The following MSRB3 variants were observed in gnomAD, a reference collection of about 807,000 sequenced individuals.
The protein encoded by MSRB3 is methionine-R-sulfoxide reductase B3.
In MSRB3, 13 loss-of-function variants were observed where a neutral mutation model predicts 21.0. The ratio of observed to expected loss-of-function variants is 0.62; its 90% CI spans 0.40 to 0.98. The LOEUF (loss-of-function observed/expected upper bound fraction) is 0.98, where lower values mean the gene tolerates loss of function less well. Among genes scored for constraint, MSRB3 ranks in the 50% least tolerant of loss-of-function variants. MSRB3 has a pLI of 0.00. For synonymous variants in MSRB3, 87 were observed against 88.6 expected, an observed-to-expected ratio of 0.98 and a Z score of 0.10; for missense variants, 199 against 230.3, an observed-to-expected ratio of 0.86 and a Z score of 0.88.
At chr12:65,393,264 T>C (rs765965431) in intron 5 of MSRB3, among the ~76,000 whole-genome samples, 2 of 152,204 alleles carry the variant, frequency 1.3e-5, no homozygotes, top group Non-Finnish European at 2.9e-5. Flanking sequence ...TTGATTTTTA[T>C]TTTTTATCCA....
chr12:65,289,880 A>G (rs1219891632), intron 1 of MSRB3, among the ~76,000 whole-genome samples: 2 of 152,160 alleles, frequency 1.3e-5, no homozygotes, highest in South Asian at 2.1e-4. Context: ...CACATTTTTT[A>G]TAGCTATGTA....
At position 65,463,450 on chromosome 12, in the gene MSRB3, C is replaced by T; in HGVS notation, c.*128C>T. 8.5e-7 allele frequency: 1 copy of T among 1,180,942 alleles called. No individual in the cohort carries two copies. Among genetic ancestry groups the T allele is most frequent in the Non-Finnish European group, 1.2e-6 (1 of 847,176 alleles). The allele number at this position is 1,180,942 out of a possible 1,614,324, so 73.2% of individuals were successfully genotyped here. Reference sequence around the variant, plus strand: ...CAGTTTTGTGCTATTGATATTTTTTCTTCTTTTGCTTAAACAGAAGCCCTG... The same window carrying T: ...CAGTTTTGTGCTATTGATATTTTTTTTTCTTTTGCTTAAACAGAAGCCCTG... On this transcript the variant is annotated 3_prime_UTR_variant, in exon 7 of 7. Coordinates refer to ENST00000308259, the MANE Select transcript of MSRB3 (RefSeq NM_001031679.3).
At chr12:65,398,821 A>T (rs906816836) in intron 5 of MSRB3, among the ~76,000 whole-genome samples, 1 of 152,196 alleles carries the variant, frequency 6.6e-6, no homozygotes, top group East Asian at 1.9e-4. Context: ...AGTTTTCTCC[A>T]TATGGCTACC....
At chr12:65,359,466 A>G (rs1464379836) in intron 4 of MSRB3, among the ~76,000 whole-genome samples, 2 of 152,156 alleles carry the variant, frequency 1.3e-5, no homozygotes, top group Admixed American at 1.3e-4. Flanking sequence ...AAACTGGTAG[A>G]GTAAATTTTA....
In MSRB3 at chr12:65,443,630, G is replaced by A. The variant is rs144139543; in HGVS notation, c.293-10098G>A. Among the ~76,000 whole-genome samples the A allele has an allele frequency of 4.4e-4, 67 of 152,196 alleles. No homozygotes were observed. The East Asian group carries it at 0.011, about 24-fold the overall frequency. ...CAAGGAGCTCACTGATTCAGTTCCC[G>A]GGGAGGGTTCTCTATCCTGGCTTAT... is the stretch of plus-strand genomic sequence containing the variant. On this transcript the variant is annotated intron_variant, in intron 5 of 6. Coordinates refer to ENST00000308259, the MANE Select transcript of MSRB3 (RefSeq NM_001031679.3).
At chr12:65,433,331 G>T (rs1389680505) in intron 5 of MSRB3, among the ~76,000 whole-genome samples, 1 of 151,660 alleles carries the variant, frequency 6.6e-6, no homozygotes, top group Non-Finnish European at 1.5e-5. Context: ...TTTGTGGTTT[G>T]ATTTCTTTTC....
At chr12:65,347,154 G>C (rs1422989566) in intron 4 of MSRB3, among the ~76,000 whole-genome samples, 1 of 152,134 alleles carries the variant, frequency 6.6e-6, no homozygotes. Context: ...GGCTGGCATT[G>C]AATCTATAAA....
chr12:65,329,647 CAA>C (rs11443001), intron 4 of MSRB3, among the ~76,000 whole-genome samples: 28 of 84,764 alleles, frequency 3.3e-4, no homozygotes, highest in African/African-American at 3.3e-4. Flanking sequence ...GATTCCGTCT[CAA>C]AAAAAAAAAA....
chr12:65,439,919 G>C (rs1304492018), intron 5 of MSRB3, among the ~76,000 whole-genome samples: 1 of 151,614 alleles, frequency 6.6e-6, no homozygotes, highest in Non-Finnish European at 1.5e-5. Flanking sequence ...TTACAAAAAA[G>C]AAATACAGTG....
chr12:65,414,804 A>G (rs11175755), intron 5 of MSRB3, among the ~76,000 whole-genome samples: 78,289 of 152,010 alleles, frequency 0.52, 21,064 homozygotes, highest in Non-Finnish European at 0.62. Context: ...GAAATATGAA[A>G]TTGCAGCAAT....
At chr12:65,330,802 G>A (rs1875364148) in intron 4 of MSRB3, among the ~76,000 whole-genome samples, 2 of 152,100 alleles carry the variant, frequency 1.3e-5, no homozygotes, top group African/African-American at 2.4e-5. Context: ...AAGGCTCCTG[G>A]CACAGCACAG....
intron 4 of MSRB3, among the ~76,000 whole-genome samples, chr12:65,354,372 G>A (rs1382357799): frequency 6.6e-6 from 1 of 151,972 alleles, no homozygotes; most frequent in Admixed American, 6.6e-5. Flanking sequence ...CCAATCAGAC[G>A]TAGATTTGGT....
intron 5 of MSRB3, among the ~76,000 whole-genome samples, chr12:65,442,461 A>T (rs1022970474): frequency 1.3e-5 from 2 of 152,016 alleles, no homozygotes; most frequent in African/African-American, 4.8e-5. Context: ...TCTGAATTGC[A>T]TGTTGCTGGG....
chr12:65,280,582 C>A (rs1871953607), intron 1 of MSRB3, among the ~76,000 whole-genome samples: 1 of 152,170 alleles, frequency 6.6e-6, no homozygotes, highest in Non-Finnish European at 1.5e-5. Context: ...TCTTTTAATT[C>A]CGGTCCCAGC....
intron 1 of MSRB3, among the ~76,000 whole-genome samples, chr12:65,302,301 C>G (rs1873382252): frequency 6.6e-6 from 1 of 152,098 alleles, no homozygotes. Context: ...TTCCTTCATA[C>G]AGCTTCTCTT....
At chr12:65,379,842 G>A (rs765813435) in intron 5 of MSRB3, among the ~76,000 whole-genome samples, 9 of 152,194 alleles carry the variant, frequency 5.9e-5, no homozygotes, top group Non-Finnish European at 1.0e-4. Context: ...GAACCAGTGT[G>A]TAGGCATTTT....
intron 4 of MSRB3, among the ~76,000 whole-genome samples, chr12:65,345,221 G>C (rs1233818289): frequency 6.6e-6 from 1 of 152,062 alleles, no homozygotes; most frequent in Non-Finnish European, 1.5e-5. Context: ...AGGTATATCA[G>C]TCTTCCCCAA....
chr12:65,453,413 A>G (rs1303901711), intron 5 of MSRB3, among the ~76,000 whole-genome samples: 1 of 152,168 alleles, frequency 6.6e-6, no homozygotes, highest in East Asian at 1.9e-4. Flanking sequence ...CTCTGAAGAC[A>G]AGAGAAAGAG....
chr12:65,440,213 T>C (rs1882305910), intron 5 of MSRB3, among the ~76,000 whole-genome samples: 1 of 151,694 alleles, frequency 6.6e-6, no homozygotes, highest in African/African-American at 2.4e-5. Context: ...ACATCCTATA[T>C]GAAAATATAG....
Sources: allele counts gnomAD v4.1 joint callset (sites outside exome capture counted in the v4.1 genomes callset), GRCh38; gene constraint gnomAD v4.1.1; transcripts MANE v1.5; gene names NCBI Gene and HGNC (gene_info 2026-07-23, HGNC 2026-07-21).